The following ACKR3 variants were observed in gnomAD, a reference collection of about 807,000 sequenced individuals.
ACKR3 encodes the protein C-X-C chemokine receptor type 7.
Under a neutral mutation model 22.4 loss-of-function variants are expected in ACKR3, and 6 were observed. That is an observed-to-expected ratio of 0.27 (90% CI 0.15 to 0.53). The LOEUF is 0.53. Among genes scored for constraint, ACKR3 ranks in the 20% least tolerant of loss-of-function variants. The pLI is 0.96. For missense variants in ACKR3, 396 were observed against 475.2 expected, an observed-to-expected ratio of 0.83 and a Z score of 1.55; for synonymous variants, 209 against 205.2, an observed-to-expected ratio of 1.02 and a Z score of -0.16.
chr2:236,559,015 T>G, the ACKR3 span, among the ~76,000 whole-genome samples: 1 of 152,200 alleles, frequency 6.6e-6, no homozygotes, highest in Non-Finnish European at 1.5e-5. Flanking sequence ...GTTTGAGGAG[T>G]GTGAAATCAC....
intron 1 of ACKR3, 85 bp downstream of exon 1, chr2:236,570,009 C>T (rs1205856564): frequency 6.6e-6 from 1 of 152,210 alleles, no homozygotes; most frequent in Non-Finnish European, 1.5e-5. Context: ...TTTCAAAGGC[C>T]TTCTTTAAAA....
chr2:236,553,587 C>T, the ACKR3 span, among the ~76,000 whole-genome samples: 1 of 152,216 alleles, frequency 6.6e-6, no homozygotes, highest in African/African-American at 2.4e-5. Flanking sequence ...TGCAGAAGCA[C>T]CTGCGTAAAG....
chr2:236,576,345 G>C (rs981414446), intron 1 of ACKR3, among the ~76,000 whole-genome samples: 2 of 152,222 alleles, frequency 1.3e-5, no homozygotes, highest in Non-Finnish European at 2.9e-5. Flanking sequence ...AATGCAGTCA[G>C]CTCTTTCTGT....
chr2:236,560,612 T>G, the ACKR3 span, among the ~76,000 whole-genome samples: 1 of 152,218 alleles, frequency 6.6e-6, no homozygotes, highest in Admixed American at 6.5e-5. Flanking sequence ...TTGCACATAT[T>G]TCCCCCCATT....
the ACKR3 span, among the ~76,000 whole-genome samples, chr2:236,549,810 A>G: frequency 1.3e-5 from 2 of 152,298 alleles, no homozygotes; most frequent in Middle Eastern, 6.8e-3. The surrounding 1 kb of genome is among the most constrained non-coding windows in gnomAD (Gnocchi z 5.3). Flanking sequence ...TGTATTTTGA[A>G]AGTGGACATT....
upstream of ACKR3, among the ~76,000 whole-genome samples, chr2:236,568,679 C>T (rs955937590): frequency 6.6e-6 from 1 of 152,242 alleles, no homozygotes; most frequent in Non-Finnish European, 1.5e-5. Flanking sequence ...ATATTTCTTT[C>T]GTTAAGGGCT....
the ACKR3 span, among the ~76,000 whole-genome samples, chr2:236,550,943 C>T: frequency 3.4e-4 from 52 of 152,316 alleles, no homozygotes; most frequent in East Asian, 8.7e-3. The surrounding 1 kb of genome is among the most constrained non-coding windows in gnomAD (Gnocchi z 4.6). Context: ...CTGGAAAGCC[C>T]GGGCCCTTCC....
the ACKR3 span, among the ~76,000 whole-genome samples, chr2:236,561,045 C>T: frequency 1.3e-5 from 2 of 152,208 alleles, no homozygotes; most frequent in East Asian, 3.9e-4. Context: ...GTGAGAGAAG[C>T]CTGTCACAGA....
At chr2:236,550,360 A>G in the ACKR3 span, among the ~76,000 whole-genome samples, 1 of 152,240 alleles carries the variant, frequency 6.6e-6, no homozygotes, top group Non-Finnish European at 1.5e-5. The surrounding 1 kb of genome is among the most constrained non-coding windows in gnomAD (Gnocchi z 4.6). Context: ...GCCAGTGTGC[A>G]CGCTGCTCAC....
Position 236,581,209 on chromosome 2 carries a change from C to T in ACKR3, c.744C>T (p.His248=). The T allele has an allele frequency of 2.5e-6, 4 of 1,613,944 alleles. No homozygotes were observed. Among genetic ancestry groups the T allele is most frequent in the African/African-American group, 1.3e-5 (1 of 75,064 alleles). ...AISASSDQEK[H]SSRKIIFSYV... is the part of the protein sequence containing the mutation. ...CGGCGTCCAGTGACCAGGAGAAGCA[C>T]AGCAGCCGGAAGATCATCTTCTCCT... Residue 248 remains histidine (H), a synonymous_variant, in exon 2 of 2, where the codon CAC becomes CAT. Coordinates refer to ENST00000272928, the MANE Select transcript of ACKR3 (RefSeq NM_020311.3). The surrounding 1 kb of genome is among the most constrained non-coding windows in gnomAD (Gnocchi z 4.4).
At chr2:236,557,296 G>A in the ACKR3 span, among the ~76,000 whole-genome samples, 2 of 151,686 alleles carry the variant, frequency 1.3e-5, no homozygotes, top group Non-Finnish European at 2.9e-5. Context: ...ACGTATAGAT[G>A]TCTTGGCTTT....
At chr2:236,553,130 C>T in the ACKR3 span, among the ~76,000 whole-genome samples, 1 of 152,196 alleles carries the variant, frequency 6.6e-6, no homozygotes, top group Non-Finnish European at 1.5e-5. Context: ...GATCCAGTTG[C>T]CTGCGGTTGG....
chr2:236,575,269 A>T (rs900441254), intron 1 of ACKR3, among the ~76,000 whole-genome samples: 5 of 152,140 alleles, frequency 3.3e-5, no homozygotes, highest in African/African-American at 1.2e-4. Flanking sequence ...CTACCTTCCC[A>T]GCCCCAAGTT....
At chr2:236,549,397 G>A in the ACKR3 span, among the ~76,000 whole-genome samples, 15 of 152,286 alleles carry the variant, frequency 9.8e-5, no homozygotes, top group Non-Finnish European at 1.6e-4. This position sits in a 1 kb window ranked among gnomAD's most constrained non-coding sequence, Gnocchi z 5.3. Flanking sequence ...GGTAACCTAG[G>A]TATCCTGCAT....
upstream of ACKR3, among the ~76,000 whole-genome samples, chr2:236,566,853 TTTTC>T (rs1219812634): frequency 6.6e-6 from 1 of 151,222 alleles, no homozygotes; most frequent in Non-Finnish European, 1.5e-5. Context: ...TCTTTCTTTC[TTTTC>T]TTTCTTTCTC....
intron 1 of ACKR3, among the ~76,000 whole-genome samples, chr2:236,578,089 G>A (rs561402997): frequency 2.0e-5 from 3 of 152,356 alleles, no homozygotes; most frequent in African/African-American, 7.2e-5. Context: ...GGAGAGCAAA[G>A]GTGAAATCCT....
chr2:236,568,857 C>T (rs1036149524), upstream of ACKR3, among the ~76,000 whole-genome samples: 14 of 152,300 alleles, frequency 9.2e-5, no homozygotes, highest in African/African-American at 3.4e-4. Flanking sequence ...TTCATACACT[C>T]CACTTGAGCC....
upstream of ACKR3, among the ~76,000 whole-genome samples, chr2:236,569,198 A>G (rs1206869024): frequency 2.6e-5 from 4 of 152,218 alleles, no homozygotes; most frequent in African/African-American, 9.7e-5. Context: ...TACTATCTTG[A>G]TTAGAGTCTC....
upstream of ACKR3, among the ~76,000 whole-genome samples, chr2:236,565,503 CTT>C (rs141237821): frequency 9.8e-3 from 1,497 of 152,276 alleles, 34 homozygotes; most frequent in African/African-American, 0.034. Context: ...AAAAATAACT[CTT>C]ATCTTTTAAG....
Sources: gnomAD v4.1 joint callset for allele counts (sites outside exome capture counted in the v4.1 genomes callset) on GRCh38, gnomAD v4.1.1 for gene constraint, Gnocchi (gnomAD v3.1) non-coding constraint, MANE v1.5 for transcripts, NCBI Gene and HGNC (gene_info 2026-07-23, HGNC 2026-07-21) for gene names.